The following DOK6 variants were observed in gnomAD, a reference collection of about 807,000 sequenced individuals.
The protein encoded by DOK6 is downstream of tyrosine kinase 6.
A neutral mutation model predicts 44.0 loss-of-function variants in DOK6; 22 were observed. The ratio of observed to expected loss-of-function variants is 0.50; its 90% CI spans 0.36 to 0.71. The LOEUF (loss-of-function observed/expected upper bound fraction) is 0.71, where lower values mean the gene tolerates loss of function less well. Ranked by LOEUF, DOK6 falls within the 30% of genes least tolerant of loss-of-function variation. The probability of loss-of-function intolerance (pLI) is 0.00; values close to 1 mark genes in which losing one functional copy is unlikely to be tolerated. For synonymous variants in DOK6, 166 were observed against 145.5 expected, an observed-to-expected ratio of 1.14 and a Z score of -1.01; for missense variants, 340 against 416.4, an observed-to-expected ratio of 0.82 and a Z score of 1.60.
At chr18:69,553,581 T>C (rs140507840) in intron 1 of DOK6, among the ~76,000 whole-genome samples, 5 of 152,304 alleles carry the variant, frequency 3.3e-5, no homozygotes, top group Non-Finnish European at 5.9e-5. Flanking sequence ...CTTACCCTTC[T>C]GTGCTGTAGC....
intron 3 of DOK6, among the ~76,000 whole-genome samples, chr18:69,670,186 A>G (rs932027590): frequency 2.6e-5 from 4 of 152,192 alleles, no homozygotes; most frequent in African/African-American, 4.8e-5. Context: ...GGCCAAATTC[A>G]GTTCCATGTT....
In DOK6 at chr18:69,666,486, A is replaced by C. The variant is rs544153759; in HGVS notation, c.290-11248A>C. Among the ~76,000 whole-genome samples, 25 of 152,278 alleles carry C rather than the reference A, an allele frequency of 1.6e-4. No individual in the cohort carries two copies. The South Asian group carries it at 4.6e-3, about 28-fold the overall frequency. On this transcript the variant is annotated intron_variant, in intron 3 of 7. Transcript: ENST00000382713. ...TGTTAGGCACGCACCTGTAACAAAC[A>C]ATCCCAAAATTTCAGTGTCTTAACC...
intron 3 of DOK6, among the ~76,000 whole-genome samples, chr18:69,608,760 G>A (rs1487388148): frequency 6.6e-6 from 1 of 151,916 alleles, no homozygotes; most frequent in Non-Finnish European, 1.5e-5. Flanking sequence ...GACCAGCCTG[G>A]CCAACATGGT....
At chr18:69,617,699 G>A (rs536012595) in intron 3 of DOK6, among the ~76,000 whole-genome samples, 121 of 60,256 alleles carry the variant, frequency 2.0e-3, no homozygotes, top group South Asian at 4.6e-3. Context: ...AAGAAAAGAC[G>A]GAAAGAGAAA....
chr18:69,499,223 A>G (rs2144546872), intron 1 of DOK6, among the ~76,000 whole-genome samples: 1 of 152,136 alleles, frequency 6.6e-6, no homozygotes, highest in South Asian at 2.1e-4. Context: ...ATATGTGTGT[A>G]TGTATATATA....
intron 3 of DOK6, among the ~76,000 whole-genome samples, chr18:69,674,119 A>G (rs1169836405): frequency 6.6e-6 from 1 of 152,236 alleles, no homozygotes; most frequent in African/African-American, 2.4e-5. Context: ...AAAAATTAAC[A>G]TGCAATGAAA....
intron 1 of DOK6, among the ~76,000 whole-genome samples, chr18:69,439,346 C>G (rs1333603889): frequency 6.6e-6 from 1 of 152,152 alleles, no homozygotes; most frequent in Non-Finnish European, 1.5e-5. Flanking sequence ...TTGGCTGCAA[C>G]TTAAAGTCAC....
intron 5 of DOK6, among the ~76,000 whole-genome samples, chr18:69,736,487 A>ATTG (rs1410277147): frequency 3.9e-5 from 6 of 152,208 alleles, no homozygotes; most frequent in Non-Finnish European, 7.3e-5. Flanking sequence ...GTACAAAGAC[A>ATTG]TTGTTAGATA....
At chr18:69,407,421 A>G (rs1350953586) in intron 1 of DOK6, among the ~76,000 whole-genome samples, 1 of 152,140 alleles carries the variant, frequency 6.6e-6, no homozygotes, top group East Asian at 1.9e-4. Context: ...GCATACTATG[A>G]TTTCTTTAGC....
intron 3 of DOK6, among the ~76,000 whole-genome samples, chr18:69,655,702 A>G (rs9952067): frequency 1 from 143,597 of 143,604 alleles, 71,795 homozygotes; most frequent in Middle Eastern, 1. Flanking sequence ...GCAGTGAGCA[A>G]AGATCACACC....
intron 1 of DOK6, among the ~76,000 whole-genome samples, chr18:69,558,134 G>A (rs1982734490): frequency 6.6e-6 from 1 of 151,938 alleles, no homozygotes; most frequent in African/African-American, 2.4e-5. Context: ...CTGGTCTCGG[G>A]CAGTCATTTC....
At chr18:69,784,514 A>G (rs1011880976) in intron 7 of DOK6, among the ~76,000 whole-genome samples, 11 of 151,734 alleles carry the variant, frequency 7.2e-5, no homozygotes, top group Non-Finnish European at 1.2e-4. Flanking sequence ...AAATATTATG[A>G]TGCACTTGTA....
At chr18:69,686,734 CAAGATAATAT>C (rs903215623) in intron 4 of DOK6, among the ~76,000 whole-genome samples, 1 of 145,822 alleles carries the variant, frequency 6.9e-6, no homozygotes, top group Admixed American at 7.3e-5. Flanking sequence ...TATAATAAAA[CAAGATAATAT>C]AAGACACTAG....
chr18:69,732,963 C>T (rs1245587378), intron 5 of DOK6, among the ~76,000 whole-genome samples: 1 of 152,098 alleles, frequency 6.6e-6, no homozygotes, highest in African/African-American at 2.4e-5. Flanking sequence ...TAACAGGAAA[C>T]ATAGCTGGGA....
At chr18:69,571,929 A>C (rs138273014) in intron 2 of DOK6, among the ~76,000 whole-genome samples, 128 of 152,200 alleles carry the variant, frequency 8.4e-4, no homozygotes, top group Middle Eastern at 3.4e-3. Flanking sequence ...CTATAGAATA[A>C]AGGTTACTTT....
intron 3 of DOK6, among the ~76,000 whole-genome samples, chr18:69,674,872 A>G (rs1173330936): frequency 6.6e-6 from 1 of 152,154 alleles, no homozygotes; most frequent in Non-Finnish European, 1.5e-5. Context: ...ATAACCTCCT[A>G]GCACAGTGCC....
At chr18:69,757,622 C>T in intron 6 of DOK6, 134 bp from the exon 7 acceptor site, 1 of 685,952 alleles carries the variant, frequency 1.5e-6, no homozygotes, top group Non-Finnish European at 2.5e-6. Flanking sequence ...AAAAGTTATC[C>T]TTACACCGGG....
chr18:69,601,802 G>T (rs763940334), intron 3 of DOK6, among the ~76,000 whole-genome samples: 6 of 152,126 alleles, frequency 3.9e-5, no homozygotes, highest in Non-Finnish European at 7.4e-5. Context: ...TTCTAGGACC[G>T]GGGCATGAAA....
At chr18:69,551,855 T>C (rs184408363) in intron 1 of DOK6, among the ~76,000 whole-genome samples, 1 of 152,332 alleles carries the variant, frequency 6.6e-6, no homozygotes, top group Admixed American at 6.5e-5. Context: ...CATTTTGAAT[T>C]TTCCAAATTG....
Sources: gnomAD v4.1 joint callset for allele counts (sites outside exome capture counted in the v4.1 genomes callset) on GRCh38, gnomAD v4.1.1 for gene constraint, MANE v1.5 for transcripts, NCBI Gene and HGNC (gene_info 2026-07-23, HGNC 2026-07-21) for gene names.